Variants in HTR2C observed in about 807,000 individuals in gnomAD.
The protein encoded by HTR2C is 5-hydroxytryptamine receptor 2C.
A neutral mutation model predicts 21.0 loss-of-function variants in HTR2C; 5 were observed. The observed-to-expected ratio is 0.24, with a 90% CI of 0.12 to 0.50. HTR2C has a LOEUF of 0.50. Among genes scored for constraint, HTR2C ranks in the 20% least tolerant of loss-of-function variants. The pLI, the probability that HTR2C is intolerant of heterozygous loss-of-function variation, is 0.98. For missense variants in HTR2C, 271 were observed against 371.2 expected, an observed-to-expected ratio of 0.73 and a Z score of 2.22; for synonymous variants, 150 against 145.3, an observed-to-expected ratio of 1.03 and a Z score of -0.23.
chrX:114,725,300 G>T (rs1933410827), intron 2 of HTR2C, among the ~76,000 whole-genome samples: 1 of 111,294 alleles, frequency 9.0e-6, no homozygotes, highest in Non-Finnish European at 1.9e-5. Flanking sequence ...TCTTCCAGTT[G>T]ATCGCATCGG....
At chrX:114,618,429 G>A (rs781806744) in intron 2 of HTR2C, among the ~76,000 whole-genome samples, 5 of 111,396 alleles carry the variant, frequency 4.5e-5, no homozygotes, top group Non-Finnish European at 9.4e-5. Flanking sequence ...TTCAAAAATC[G>A]GATTGACTTT....
intron 2 of HTR2C, among the ~76,000 whole-genome samples, chrX:114,691,680 A>G (rs1433973517): frequency 8.9e-6 from 1 of 111,786 alleles, no homozygotes; most frequent in Non-Finnish European, 1.9e-5. Flanking sequence ...ACAAATATCT[A>G]CGCTGATAGT....
At chrX:114,722,891 T>A (rs1933282121) in intron 2 of HTR2C, among the ~76,000 whole-genome samples, 1 of 109,167 alleles carries the variant, frequency 9.2e-6, no homozygotes, top group South Asian at 4.0e-4. Context: ...GATAAGCTTT[T>A]TGATGTGCTG....
At chrX:114,829,610 T>C (rs1300068388) in intron 4 of HTR2C, among the ~76,000 whole-genome samples, 2 of 111,760 alleles carry the variant, frequency 1.8e-5, no homozygotes, top group Non-Finnish European at 3.8e-5. Context: ...ACCTTTGGTT[T>C]TTATATCTGG....
At chrX:114,597,619 G>A (rs143121559) in intron 1 of HTR2C, among the ~76,000 whole-genome samples, 1,576 of 111,718 alleles carry the variant, frequency 0.014, 14 homozygotes, top group Admixed American at 0.034. Context: ...ATGAGAAGAG[G>A]TAAATTAGGA....
chrX:114,711,360 G>A (rs1164962921), intron 2 of HTR2C, among the ~76,000 whole-genome samples: 1 of 111,668 alleles, frequency 9.0e-6, no homozygotes, highest in Non-Finnish European at 1.9e-5. Context: ...GAGATAGTTT[G>A]CCAAAAGCAG....
At chrX:114,587,127 T>C (rs1927432699) in intron 1 of HTR2C, among the ~76,000 whole-genome samples, 1 of 111,758 alleles carries the variant, frequency 8.9e-6, no homozygotes, top group Non-Finnish European at 1.9e-5. Context: ...AACACAAAAA[T>C]TAAAACAAAA....
rs781835764 is a variant in HTR2C at position 114,744,706 on chromosome X, C to T, written c.349+13099C>T. The stretch of plus-strand genomic sequence containing the variant: ...TGACCTCGTGATCCGCCCGCCTCAG[C>T]CTCCGAAAGTGCTGGGATTACAGGC... On this transcript the variant is annotated intron_variant, in intron 4 of 5. Transcript: ENST00000276198. 8.1e-5 allele frequency among the ~76,000 whole-genome samples: 9 copies of T among 111,211 alleles called. No individual in the cohort carries two copies. The South Asian group carries it at 3.4e-3, about 42-fold the overall frequency.
chrX:114,639,755 A>G (rs1930018109), intron 2 of HTR2C, among the ~76,000 whole-genome samples: 1 of 112,319 alleles, frequency 8.9e-6, no homozygotes, highest in Admixed American at 9.5e-5. Context: ...GATAAAATAT[A>G]TACTCCATTG....
chrX:114,719,856 T>C (rs1933127366), intron 2 of HTR2C, among the ~76,000 whole-genome samples: 1 of 111,715 alleles, frequency 9.0e-6, no homozygotes, highest in Admixed American at 9.6e-5. Context: ...ATGTGGCTAA[T>C]AAAGTGCTTC....
intron 4 of HTR2C, among the ~76,000 whole-genome samples, chrX:114,796,514 A>G (rs1556445318): frequency 9.0e-6 from 1 of 111,280 alleles, no homozygotes; most frequent in Non-Finnish European, 1.9e-5. Context: ...CTTAATGTCT[A>G]TATTACTTTA....
intron 5 of HTR2C, among the ~76,000 whole-genome samples, chrX:114,883,714 T>C (rs1198027801): frequency 2.7e-5 from 3 of 110,750 alleles, no homozygotes; most frequent in Non-Finnish European, 5.7e-5. Flanking sequence ...AAAATATGTA[T>C]ATGTTGTATA....
chrX:114,815,058 T>C (rs1055623383), intron 4 of HTR2C, among the ~76,000 whole-genome samples: 1 of 106,479 alleles, frequency 9.4e-6, no homozygotes, highest in Non-Finnish European at 1.9e-5. Flanking sequence ...CATTCTGCTT[T>C]ATAAGCATTT....
intron 4 of HTR2C, among the ~76,000 whole-genome samples, chrX:114,744,111 G>A (rs1409241303): frequency 9.1e-6 from 1 of 110,252 alleles, no homozygotes; most frequent in African/African-American, 3.3e-5. Context: ...AGATAGTAGT[G>A]ATAATTTCAC....
chrX:114,851,846 G>A, intron 5 of HTR2C, among the ~76,000 whole-genome samples: 1 of 111,100 alleles, frequency 9.0e-6, no homozygotes. Context: ...GGATGCAGAA[G>A]CTCAGTATGC....
At chrX:114,746,993 A>G (rs1459238404) in intron 4 of HTR2C, among the ~76,000 whole-genome samples, 1 of 110,832 alleles carries the variant, frequency 9.0e-6, no homozygotes, top group East Asian at 2.9e-4. Flanking sequence ...TCAAAAAAAA[A>G]GAAAGAGAGA....
At chrX:114,884,651 TAAC>T (rs2071206952) in intron 5 of HTR2C, among the ~76,000 whole-genome samples, 1 of 111,418 alleles carries the variant, frequency 9.0e-6, no homozygotes, top group Non-Finnish European at 1.9e-5. Flanking sequence ...ATACAAAAGA[TAAC>T]AAGTATTGCT....
chrX:114,723,735 C>G (rs1933322011), intron 2 of HTR2C, among the ~76,000 whole-genome samples: 1 of 110,784 alleles, frequency 9.0e-6, no homozygotes. Flanking sequence ...TCATTGGTTT[C>G]AAAGAACATC....
intron 2 of HTR2C, among the ~76,000 whole-genome samples, chrX:114,633,080 T>C: frequency 9.0e-6 from 1 of 111,123 alleles, no homozygotes; most frequent in Non-Finnish European, 1.9e-5. Flanking sequence ...TAATATAGTC[T>C]TGGGGCTCAT....
Sources: gnomAD v4.1 joint callset for allele counts (sites outside exome capture counted in the v4.1 genomes callset) on GRCh38, gnomAD v4.1.1 for gene constraint, MANE v1.5 for transcripts, NCBI Gene and HGNC (gene_info 2026-07-23, HGNC 2026-07-21) for gene names.